Variants in NXNL2 observed in about 807,000 individuals in gnomAD.
NXNL2 encodes the protein nucleoredoxin-like protein 2.
A neutral mutation model predicts 11.1 loss-of-function variants in NXNL2; 7 were observed. That is an observed-to-expected ratio of 0.63 (90% CI 0.36 to 1.18). The LOEUF (loss-of-function observed/expected upper bound fraction) is 1.18. Among genes scored for constraint, NXNL2 ranks in the 50% most tolerant of loss-of-function variants. The pLI is 0.02. For synonymous variants in NXNL2, 109 were observed against 101.8 expected (o/e 1.07, Z -0.42); for missense variants, 233 against 217.7 (o/e 1.07, Z -0.44).
intron 1 of NXNL2, 102 bp downstream of exon 1, chr9:88,535,838 C>CG (rs1829605283): frequency 2.3e-6 from 2 of 853,278 alleles, no homozygotes; most frequent in Middle Eastern, 3.6e-4. Flanking sequence ...GACGCCCCCC[C>CG]CCAACACCTC....
chr9:88,582,756 C>T (rs967465340), intron 1 of NXNL2, among the ~76,000 whole-genome samples: 2 of 152,028 alleles, frequency 1.3e-5, no homozygotes, highest in African/African-American at 2.4e-5. Context: ...GCAACCTCCA[C>T]CTCCTGGGTT....
intron 1 of NXNL2, among the ~76,000 whole-genome samples, chr9:88,582,688 T>TGC (rs1457251443): frequency 6.7e-6 from 1 of 150,010 alleles, no homozygotes; most frequent in Non-Finnish European, 1.5e-5. Flanking sequence ...TCTTTCTTCT[T>TGC]TTGACAGTCT....
intron 1 of NXNL2, among the ~76,000 whole-genome samples, chr9:88,554,465 A>G (rs1829985317): frequency 6.6e-6 from 1 of 152,324 alleles, no homozygotes; most frequent in South Asian, 2.1e-4. Flanking sequence ...TTGGCCTCCC[A>G]AAGTGCTGGG....
exon 2 of NXNL2, chr9:88,571,142 T>G (rs1423587305): frequency 2.7e-6 from 1 of 374,652 alleles, no homozygotes; most frequent in East Asian, 1.0e-4. Context: ...CTTAGCTCAC[T>G]GCAACCTTTG....
At position 88,535,588 on chromosome 9, in the gene NXNL2, T is replaced by C. The variant is rs1381110997; in HGVS notation, c.154T>C (p.Tyr52His). ...CTTCACGCCGCTGCTCTGCGACTTCTATACGGCGCTGGTGGCCGAGGCGCG... is the reference window on the plus strand; with the variant it reads ...CTTCACGCCGCTGCTCTGCGACTTCCATACGGCGCTGGTGGCCGAGGCGCG... Reference protein sequence around the residue: ...RDFTPLLCDFYTALVAEARRP... With the variant: ...RDFTPLLCDFHTALVAEARRP... The change falls in exon 1 of 2, where the codon TAT becomes CAT. Residue 52 changes from tyrosine to histidine, a missense_variant. Coordinates refer to ENST00000375854, the MANE Select transcript of NXNL2 (RefSeq NM_001161625.2). The C allele has an allele frequency of 6.2e-7, 1 of 1,609,680 alleles. No homozygotes were observed. The highest frequency in any genetic ancestry group is 1.1e-5 in the South Asian group (1 of 90,960).
Position 88,535,662 on chromosome 9 carries a change from C to T in NXNL2, c.228C>T (p.Ser76=), listed in dbSNP as rs760398300. Residue 76 remains serine, a synonymous_variant, in exon 1 of 2, where the codon TCC becomes TCT. Coordinates refer to ENST00000375854, the MANE Select transcript of NXNL2 (RefSeq NM_001161625.2). ...TCTTCGTGTCAGCCGACGGCAGCTC[C>T]CAGGAGATGCTGGACTTCATGCGCG... ...EVVFVSADGS[S]QEMLDFMREL... 6.2e-7 allele frequency: 1 copy of T among 1,607,894 alleles called. No homozygotes were observed. The highest frequency in any genetic ancestry group is 2.2e-5 in the East Asian group (1 of 44,808).
intron 1 of NXNL2, among the ~76,000 whole-genome samples, chr9:88,536,475 C>T (rs1342440543): frequency 6.7e-6 from 1 of 148,800 alleles, no homozygotes; most frequent in Non-Finnish European, 1.5e-5. Flanking sequence ...GGGTGGGTCT[C>T]CTGTGGTCTC....
At chr9:88,577,000 C>T (rs1830355505), downstream of NXNL2, among the ~76,000 whole-genome samples, 1 of 152,082 alleles carries the variant, frequency 6.6e-6, no homozygotes, top group African/African-American at 2.4e-5. Flanking sequence ...TCCCAAGCCC[C>T]AGGCTACTGC....
At chr9:88,559,651 C>T (rs866236464) in intron 1 of NXNL2, among the ~76,000 whole-genome samples, 6 of 152,236 alleles carry the variant, frequency 3.9e-5, no homozygotes, top group Non-Finnish European at 5.9e-5. Flanking sequence ...AATCCCCACT[C>T]CATGCACTGC....
At chr9:88,582,393 C>T (rs1011168797) in intron 1 of NXNL2, among the ~76,000 whole-genome samples, 4 of 151,930 alleles carry the variant, frequency 2.6e-5, no homozygotes, top group African/African-American at 2.4e-5. Flanking sequence ...GGTGTGAACC[C>T]GGGAGGCGGA....
chr9:88,541,582 T>G (rs898116396), intron 1 of NXNL2, among the ~76,000 whole-genome samples: 18 of 152,202 alleles, frequency 1.2e-4, no homozygotes, highest in Non-Finnish European at 2.6e-4. Context: ...TTGTTTCACA[T>G]TTTAGTGTTT....
intron 1 of NXNL2, among the ~76,000 whole-genome samples, chr9:88,555,442 T>G (rs1277785492): frequency 6.6e-6 from 1 of 151,766 alleles, no homozygotes; most frequent in Non-Finnish European, 1.5e-5. Flanking sequence ...AGCATGCTGA[T>G]GCACTATATA....
intron 1 of NXNL2, among the ~76,000 whole-genome samples, chr9:88,560,801 T>C (rs559864204): frequency 8.9e-4 from 135 of 152,226 alleles, no homozygotes; most frequent in African/African-American, 3.2e-3. Context: ...ATGTTGAACG[T>C]CACTATAGGT....
At chr9:88,567,025 A>T (rs1190053338) in intron 1 of NXNL2, among the ~76,000 whole-genome samples, 1 of 106,674 alleles carries the variant, frequency 9.4e-6, no homozygotes, top group Admixed American at 9.3e-5. Flanking sequence ...TCTATCATCT[A>T]ATATGTTTTC....
At position 88,544,663 on chromosome 9, in the gene NXNL2, A is replaced by G. The variant is rs1829824104; in HGVS notation, c.*116A>G. Reference sequence around the variant, plus strand: ...TTGGTGTGATTTCATTGTATTTCAGAGCAGAAGCACTAAGCTGTGGTCAAA... The same window carrying G: ...TTGGTGTGATTTCATTGTATTTCAGGGCAGAAGCACTAAGCTGTGGTCAAA... On this transcript the variant is annotated 3_prime_UTR_variant, in exon 2 of 2. Transcript: ENST00000375854. The G allele has an allele frequency of 7.0e-7, 1 of 1,431,138 alleles. No individual in the cohort carries two copies. The highest frequency in any genetic ancestry group is 9.2e-7 in the Non-Finnish European group (1 of 1,091,298). 88.7% of individuals were successfully genotyped at this position (1,431,138 alleles called of 1,614,324 possible).
At chr9:88,584,368 A>G (rs1342941011), downstream of NXNL2, 1 of 152,162 alleles carries the variant, frequency 6.6e-6, no homozygotes, top group African/African-American at 2.4e-5. Flanking sequence ...CACTGAGGAA[A>G]AGCCATGCAA....
At chr9:88,552,561 C>T (rs1031294784) in intron 1 of NXNL2, among the ~76,000 whole-genome samples, 1 of 150,764 alleles carries the variant, frequency 6.6e-6, no homozygotes, top group Non-Finnish European at 1.5e-5. Flanking sequence ...AACTCTGCCT[C>T]CTGAGTTCAC....
chr9:88,565,998 A>G (rs995978791), intron 1 of NXNL2, among the ~76,000 whole-genome samples: 2 of 152,188 alleles, frequency 1.3e-5, no homozygotes, highest in African/African-American at 4.8e-5. Context: ...TGCCTATTCA[A>G]GTCCTAATCC....
At position 88,544,465 on chromosome 9, in the gene NXNL2, G is replaced by T. The variant is rs1400722705; in HGVS notation, c.389G>T (p.Arg130Leu). ...QNGEVITNKG[R>L]KQIRERGLAC... is the part of the protein sequence containing the mutation. Reference sequence around the variant, plus strand: ...GGGGAGGTCATCACCAACAAAGGGCGGAAGCAGATCCGGGAACGGGGGTTG... The same window carrying T: ...GGGGAGGTCATCACCAACAAAGGGCTGAAGCAGATCCGGGAACGGGGGTTG... The change falls in exon 2 of 2, where the codon CGG becomes CTG. Residue 130 changes from arginine to leucine, a missense_variant. Physicochemically the swap from Arg to Leu is moderately radical, Grantham distance 102. Transcript: ENST00000375854. 2 of 1,551,826 alleles carry T rather than the reference G, an allele frequency of 1.3e-6. No individual in the cohort carries two copies. The highest frequency in any genetic ancestry group is 1.7e-4 in the Middle Eastern group (1 of 5,992).
Sources: gnomAD v4.1 joint callset for allele counts (sites outside exome capture counted in the v4.1 genomes callset) on GRCh38, gnomAD v4.1.1 for gene constraint, MANE v1.5 for transcripts, NCBI Gene and HGNC (gene_info 2026-07-23, HGNC 2026-07-21) for gene names.